CPEB2: variants seen among roughly 807,000 people sequenced by gnomAD.
CPEB2 encodes the protein cytoplasmic polyadenylation element-binding protein 2.
CPEB2 carries 56 observed loss-of-function variants against 93.6 expected under a neutral mutation model. The observed-to-expected ratio is 0.60, with a 90% confidence interval of 0.48 to 0.75. The LOEUF is 0.75. CPEB2 is among the 30% of genes least tolerant of loss of function. CPEB2 has a pLI of 0.00. For missense variants in CPEB2, 1,579 were observed against 1,395.1 expected (o/e 1.13, Z -2.10); for synonymous variants, 764 against 586.3 (o/e 1.30, Z -4.38).
rs1306692958 is a variant in CPEB2, at chr4:15,068,305, A to G, written c.*1925A>G. 6.6e-6 allele frequency: 1 copy of G among 152,280 alleles called. No homozygotes were observed. Among genetic ancestry groups the G allele is most frequent in the Admixed American group, 6.6e-5 (1 of 15,206 alleles). The allele number at this position is 152,280 out of a possible 1,614,324, so 9.4% of individuals were successfully genotyped here. Reference sequence around the variant, plus strand: ...GTTGTGGTTCAAGTTTTTAATGTTTAAAGTTGATGCTGTTTTCAGAAGAGC... The same window carrying G: ...GTTGTGGTTCAAGTTTTTAATGTTTGAAGTTGATGCTGTTTTCAGAAGAGC... On this transcript the variant is annotated 3_prime_UTR_variant, in exon 12 of 12. Transcript: ENST00000538197.
chr4:15,014,874 T>C (rs1460390099), intron 3 of CPEB2, among the ~76,000 whole-genome samples: 1 of 152,094 alleles, frequency 6.6e-6, no homozygotes. Context: ...TCTGGATAGA[T>C]TCCTAAAATT....
chr4:15,008,352 G>A lies in CPEB2; in HGVS notation c.1959G>A (p.Leu653=). 1 of 1,613,644 alleles carries A rather than the reference G, an allele frequency of 6.2e-7. No homozygotes were observed. The highest frequency in any genetic ancestry group is 1.3e-5 in the African/African-American group (1 of 75,000). ...TGCTATTGAAGGTGAGATCTAGTTT[G>A]CAGTTGCCAGCTTGGGGCTCAGATT... The part of the protein sequence containing the change: ...TLLPLQVRSS[L]QLPAWGSDSL... The change falls in exon 3 of 12, where the codon TTG becomes TTA. Residue 653 remains leucine, a synonymous_variant. Transcript: ENST00000538197.
intron 6 of CPEB2, among the ~76,000 whole-genome samples, chr4:15,044,991 T>C (rs1440675593): frequency 1.3e-5 from 2 of 152,240 alleles, no homozygotes; most frequent in Non-Finnish European, 2.9e-5. Flanking sequence ...TAAGCTATTA[T>C]ACTTGCATTT....
At chr4:15,037,588 T>C (rs1726746007) in intron 5 of CPEB2, among the ~76,000 whole-genome samples, 3 of 152,186 alleles carry the variant, frequency 2.0e-5, no homozygotes, top group Admixed American at 2.0e-4. Flanking sequence ...ATTAGATCCT[T>C]AATAAGACGA....
At chr4:15,031,937 G>A (rs559774250) in intron 4 of CPEB2, among the ~76,000 whole-genome samples, 1 of 152,100 alleles carries the variant, frequency 6.6e-6, no homozygotes, top group Non-Finnish European at 1.5e-5. Flanking sequence ...CAGTTAATCT[G>A]TAGAGGACTT....
intron 1 of CPEB2, chr4:15,005,305 C>T (rs945400823): frequency 6.6e-6 from 1 of 152,254 alleles, no homozygotes; most frequent in South Asian, 2.1e-4. Flanking sequence ...TGTGTTTCCT[C>T]GTAGACTTTC....
chr4:15,045,116 G>A (rs185739226), intron 6 of CPEB2, among the ~76,000 whole-genome samples: 307 of 152,128 alleles, frequency 2.0e-3, no homozygotes, highest in Non-Finnish European at 3.5e-3. Flanking sequence ...ATCTTCTACC[G>A]AAGGAAGGCT....
intron 5 of CPEB2, among the ~76,000 whole-genome samples, chr4:15,037,096 A>G (rs1726685202): frequency 6.6e-6 from 1 of 152,066 alleles, no homozygotes; most frequent in African/African-American, 2.4e-5. Flanking sequence ...AGGTCAGGAG[A>G]TCGAGACCAT....
In CPEB2 at chr4:15,068,548, C is replaced by CA. The variant is rs2109125504; in HGVS notation, c.*2170dup. 1 of 152,244 alleles carries CA rather than the reference C, an allele frequency of 6.6e-6. No individual in the cohort carries two copies. The highest frequency in any genetic ancestry group is 1.5e-5 in the Non-Finnish European group (1 of 67,792). 9.4% of individuals were successfully genotyped at this position (152,244 alleles called of 1,614,324 possible). ...TGATGACATCTCCTTTGCTATACCT[C>CA]AATTTTTGGAATTTAGAGAAGAAAT... On this transcript the variant is annotated 3_prime_UTR_variant, in exon 12 of 12. Transcript: ENST00000538197.
rs1457326136 is a variant in CPEB2, at chr4:15,033,228, C to G, written c.2176+17C>G. The G allele has an allele frequency of 6.7e-7, 1 of 1,495,748 alleles. No individual in the cohort carries two copies. The highest frequency in any genetic ancestry group is 9.3e-7 in the Non-Finnish European group (1 of 1,075,032). 92.7% of individuals were successfully genotyped at this position (1,495,748 alleles called of 1,614,324 possible). On this transcript the variant is annotated intron_variant, in intron 5 of 11. Transcript: ENST00000538197. ...TGTTAAATGGTAAGTTTTATAAAAA[C>G]ATTTTATGTTTCCAGTTGATTTATG... is the stretch of plus-strand genomic sequence containing the variant.
intron 5 of CPEB2, among the ~76,000 whole-genome samples, chr4:15,037,842 CAT>C (rs1165919170): frequency 1.3e-5 from 2 of 152,110 alleles, no homozygotes; most frequent in Non-Finnish European, 2.9e-5. Flanking sequence ...GTTTGAAGGA[CAT>C]ATTGTTATTA....
At chr4:15,036,715 G>A (rs113198896) in intron 5 of CPEB2, among the ~76,000 whole-genome samples, 3,606 of 152,268 alleles carry the variant, frequency 0.024, 88 homozygotes, top group South Asian at 0.14. Flanking sequence ...GTGGCCAGGA[G>A]GGGGAGTGGG....
In CPEB2 at chr4:15,003,363, A is replaced by G; in HGVS notation, c.690A>G (p.Gln230=). The part of the protein sequence containing the change: ...QPAQLAQRQQ[Q]QPPQQFSLLH... ...CGCAGCTCGCTCAGCGCCAGCAGCAACAGCCGCCGCAGCAGTTCAGCCTCC... is the reference window on the plus strand; with the variant it reads ...CGCAGCTCGCTCAGCGCCAGCAGCAGCAGCCGCCGCAGCAGTTCAGCCTCC... The change falls in exon 1 of 12, where the codon CAA becomes CAG. Residue 230 remains glutamine (Q), a synonymous_variant. Coordinates refer to ENST00000538197, the MANE Select transcript of CPEB2 (RefSeq NM_001177382.2). The G allele has an allele frequency of 7.2e-7, 1 of 1,386,626 alleles. No individual in the cohort carries two copies. The highest frequency in any genetic ancestry group is 3.0e-5 in the East Asian group (1 of 32,848). 85.9% of individuals were successfully genotyped at this position (1,386,626 alleles called of 1,614,324 possible). A position where few individuals can be genotyped will look rare whatever the true frequency, so the allele number is the denominator to read the frequency against.
intron 6 of CPEB2, among the ~76,000 whole-genome samples, chr4:15,051,441 C>T (rs1728209464): frequency 6.6e-6 from 1 of 152,120 alleles, no homozygotes; most frequent in African/African-American, 2.4e-5. Context: ...TCTTATGTTT[C>T]TCCTTTCACT....
rs1345661615 is a variant in CPEB2 at position 15,003,309 on chromosome 4, G to GCCA, written c.638_639insACC (p.Pro214dup). ...GCCCCGGTCGGTTCAGCCCGCCGCC[G>GCCA]CCGCCAGCCGGCCCGCTCCTCCAGC... is the stretch of plus-strand genomic sequence containing the variant. On this transcript the variant is annotated inframe_insertion, in exon 1 of 12. Coordinates refer to ENST00000538197, the MANE Select transcript of CPEB2 (RefSeq NM_001177382.2). The GCCA allele has an allele frequency of 1.4e-6, 2 of 1,428,260 alleles. 1 individual carries two copies. The highest frequency in any genetic ancestry group is 3.0e-5 in the South Asian group (2 of 65,930). The allele number at this position is 1,428,260 out of a possible 1,614,324, so 88.5% of individuals were successfully genotyped here.
At chr4:15,058,757 T>C (rs560061371) in intron 9 of CPEB2, among the ~76,000 whole-genome samples, 1 of 152,158 alleles carries the variant, frequency 6.6e-6, no homozygotes, top group African/African-American at 2.4e-5. Context: ...CAGCAGGAGA[T>C]GAGTGGCAGG....
rs115922144 is a variant in CPEB2 at position 15,061,848 on chromosome 4, A to G, written c.2696-231A>G. Among the ~76,000 whole-genome samples, 1,344 of 148,020 alleles carry G rather than the reference A, an allele frequency of 9.1e-3. 27 individuals are homozygous for G. Among genetic ancestry groups the G allele is most frequent in the African/African-American group, 0.032 (1,279 of 39,876 alleles). On this transcript the variant is annotated intron_variant, in intron 10 of 11. Coordinates refer to ENST00000538197, the MANE Select transcript of CPEB2 (RefSeq NM_001177382.2). Reference sequence around the variant, plus strand: ...CTCTATAGGACAGAAGATAGAGTATATAGTGGGTTTAGTGCTGTAAGTAGG... The same window carrying G: ...CTCTATAGGACAGAAGATAGAGTATGTAGTGGGTTTAGTGCTGTAAGTAGG...
At chr4:15,060,056 G>T (rs558853050) in intron 10 of CPEB2, among the ~76,000 whole-genome samples, 3 of 152,268 alleles carry the variant, frequency 2.0e-5, no homozygotes, top group African/African-American at 7.2e-5. Flanking sequence ...GGTATTTGTA[G>T]TTGAGCTGAC....
chr4:15,012,668 T>C (rs1723642965), intron 3 of CPEB2, among the ~76,000 whole-genome samples: 1 of 152,114 alleles, frequency 6.6e-6, no homozygotes. Context: ...CAATATCTAC[T>C]TAAAATTAAG....
Sources: allele counts gnomAD v4.1 joint callset (sites outside exome capture counted in the v4.1 genomes callset), GRCh38; gene constraint gnomAD v4.1.1; transcripts MANE v1.5; gene names NCBI Gene and HGNC (gene_info 2026-07-23, HGNC 2026-07-21).